Variants in NOL4 observed in about 807,000 individuals in gnomAD.
NOL4 encodes cancer/testis antigen 125.
Under a neutral mutation model 75.9 loss-of-function variants are expected in NOL4, and 17 were observed. The ratio of observed to expected loss-of-function variants is 0.22; its 90% CI spans 0.15 to 0.34. The LOEUF (loss-of-function observed/expected upper bound fraction) is 0.34, where lower values mean the gene tolerates loss of function less well. NOL4 is among the 10% of genes least tolerant of loss of function. The pLI is 1.00. For synonymous variants in NOL4, 292 were observed against 289.9 expected (o/e 1.01, Z -0.07); for missense variants, 614 against 793.5 (o/e 0.77, Z 2.72).
intron 5 of NOL4, among the ~76,000 whole-genome samples, chr18:34,049,294 C>T (rs958605339): frequency 6.6e-6 from 1 of 151,300 alleles, no homozygotes; most frequent in Non-Finnish European, 1.5e-5. Flanking sequence ...AATTTAAGTG[C>T]CTGTGCCACA....
rs566242124 is a variant in NOL4 at position 34,146,807 on chromosome 18, G to A, written c.265-16787C>T. ...AGCATTGAATCTATAAATTACTTTCGGCAGTATGGCCACTTTCATGACATT... is the reference window on the plus strand; with the variant it reads ...AGCATTGAATCTATAAATTACTTTCAGCAGTATGGCCACTTTCATGACATT... On this transcript the variant is annotated intron_variant, in intron 1 of 10. Coordinates refer to ENST00000261592, the MANE Select transcript of NOL4 (RefSeq NM_003787.5). Among the ~76,000 whole-genome samples the A allele has an allele frequency of 7.2e-5, 11 of 151,732 alleles. No homozygotes were observed. In the East Asian group the frequency reaches 1.2e-3, roughly 16 times the overall value.
chr18:34,171,974 C>T (rs981888830), intron 1 of NOL4, among the ~76,000 whole-genome samples: 1 of 151,992 alleles, frequency 6.6e-6, no homozygotes, highest in African/African-American at 2.4e-5. Flanking sequence ...CAATACCCAG[C>T]AATGAAGCCT....
At chr18:34,141,182 G>C (rs1301170646) in intron 1 of NOL4, among the ~76,000 whole-genome samples, 2 of 152,118 alleles carry the variant, frequency 1.3e-5, no homozygotes, top group Non-Finnish European at 2.9e-5. Flanking sequence ...CGAAATAAAA[G>C]AGGACACAAA....
intron 9 of NOL4, among the ~76,000 whole-genome samples, chr18:33,893,381 T>C (rs1185639191): frequency 6.6e-6 from 1 of 152,084 alleles, no homozygotes; most frequent in Non-Finnish European, 1.5e-5. Flanking sequence ...AAAATTTGAG[T>C]TTGTTAAACT....
chr18:33,881,554 A>T (rs1219240670), intron 10 of NOL4, among the ~76,000 whole-genome samples: 5 of 151,870 alleles, frequency 3.3e-5, no homozygotes, highest in Non-Finnish European at 7.4e-5. Flanking sequence ...GAAATAAAAG[A>T]GGATACAAAC....
intron 6 of NOL4, among the ~76,000 whole-genome samples, chr18:33,978,668 C>T (rs1312442301): frequency 6.6e-6 from 1 of 152,070 alleles, no homozygotes; most frequent in Non-Finnish European, 1.5e-5. Context: ...ATACCAAAGT[C>T]TGTGAATACT....
intron 10 of NOL4, among the ~76,000 whole-genome samples, chr18:33,878,849 A>C (rs2064087129): frequency 1.3e-5 from 2 of 152,116 alleles, no homozygotes; most frequent in Non-Finnish European, 2.9e-5. Context: ...ATCTGTGTCT[A>C]CTTTGACCCG....
intron 5 of NOL4, among the ~76,000 whole-genome samples, chr18:34,062,252 G>T (rs540605656): frequency 6.6e-6 from 1 of 152,090 alleles, no homozygotes; most frequent in South Asian, 2.1e-4. Flanking sequence ...CAAAGTTTGT[G>T]CTGTTAATAA....
intron 2 of NOL4, among the ~76,000 whole-genome samples, chr18:34,115,513 G>A (rs1424546657): frequency 2.1e-5 from 3 of 144,368 alleles, no homozygotes; most frequent in African/African-American, 7.8e-5. Flanking sequence ...ATGCACAGTG[G>A]GGAAAAGATA....
chr18:34,099,476 G>T (rs9965493), intron 4 of NOL4, among the ~76,000 whole-genome samples: 7 of 151,474 alleles, frequency 4.6e-5, no homozygotes, highest in Non-Finnish European at 7.4e-5. Context: ...CTGGTCTTCT[G>T]CCTTTCTTCA....
chr18:33,922,536 CA>C (rs1354943137), intron 9 of NOL4, among the ~76,000 whole-genome samples: 2 of 152,180 alleles, frequency 1.3e-5, no homozygotes, highest in Non-Finnish European at 2.9e-5. Flanking sequence ...CTTAGTCTTG[CA>C]GTCTGCAGGC....
At chr18:33,979,360 T>C (rs1298801501) in intron 6 of NOL4, among the ~76,000 whole-genome samples, 1 of 152,106 alleles carries the variant, frequency 6.6e-6, no homozygotes, top group African/African-American at 2.4e-5. Context: ...GATTTATTTA[T>C]GCTTAAGCAA....
At chr18:34,168,146 T>C (rs2032617827) in intron 1 of NOL4, among the ~76,000 whole-genome samples, 2 of 151,490 alleles carry the variant, frequency 1.3e-5, no homozygotes, top group Admixed American at 1.3e-4. Context: ...GTAGGATAAT[T>C]ATTTTAAAAT....
chr18:34,024,181 GAAAAA>G (rs200128545), intron 5 of NOL4, among the ~76,000 whole-genome samples: 55 of 86,934 alleles, frequency 6.3e-4, no homozygotes, highest in African/African-American at 1.0e-3. Flanking sequence ...AAATAAACAG[GAAAAA>G]AAAAAAAAAT....
chr18:34,061,940 T>C (rs1307073448), intron 5 of NOL4, among the ~76,000 whole-genome samples: 2 of 152,082 alleles, frequency 1.3e-5, no homozygotes, highest in African/African-American at 4.8e-5. Flanking sequence ...ACTACCTCTT[T>C]CTTCAATTAC....
At chr18:34,013,369 C>A (rs774184980) in intron 6 of NOL4, among the ~76,000 whole-genome samples, 25 of 151,944 alleles carry the variant, frequency 1.6e-4, no homozygotes, top group Non-Finnish European at 3.4e-4. Flanking sequence ...CCTTCTTATG[C>A]CACCTAAAGT....
At chr18:34,054,876 T>C (rs895943301) in intron 5 of NOL4, among the ~76,000 whole-genome samples, 2 of 151,308 alleles carry the variant, frequency 1.3e-5, no homozygotes, top group African/African-American at 4.8e-5. Context: ...ATATACATTG[T>C]TACTGTTGCA....
chr18:34,103,433 G>T (rs773330573), intron 4 of NOL4, among the ~76,000 whole-genome samples: 2 of 151,928 alleles, frequency 1.3e-5, no homozygotes, highest in Non-Finnish European at 2.9e-5. Context: ...TGTTTTTAGT[G>T]TCTATACATG....
Position 33,857,294 on chromosome 18 carries a change from C to T in NOL4, c.1724-4259G>A, listed in dbSNP as rs187870549. 3.5e-4 allele frequency among the ~76,000 whole-genome samples: 53 copies of T among 152,064 alleles called. No individual in the cohort carries two copies. In the South Asian group the frequency reaches 4.1e-3, roughly 12 times the overall value. On this transcript the variant is annotated intron_variant, in intron 10 of 10. Coordinates refer to ENST00000261592, the MANE Select transcript of NOL4 (RefSeq NM_003787.5). ...GGTATGTGCTCAGAAAATATATCCA[C>T]GCAAATCTGCTTGGGAATGGAGATT...
Sources: allele counts gnomAD v4.1 joint callset (sites outside exome capture counted in the v4.1 genomes callset), GRCh38; gene constraint gnomAD v4.1.1; transcripts MANE v1.5; gene names NCBI Gene and HGNC (gene_info 2026-07-23, HGNC 2026-07-21).